The following FAF1 variants were observed in gnomAD, a reference collection of about 807,000 sequenced individuals.
The protein encoded by FAF1 is Fas associated factor 1.
In FAF1, 25 loss-of-function variants were observed where a neutral mutation model predicts 92.5. That is an observed-to-expected ratio of 0.27 (90% CI 0.20 to 0.38). FAF1 has a LOEUF of 0.38. Among genes scored for constraint, FAF1 ranks in the 10% least tolerant of loss-of-function variants. FAF1 has a pLI of 1.00. For synonymous variants in FAF1, 234 were observed against 273.2 expected (o/e 0.86, Z 1.42); for missense variants, 636 against 793.3 (o/e 0.80, Z 2.38).
At chr1:50,729,058 A>ATATATTTTTTTT (rs1375923156) in intron 6 of FAF1, among the ~76,000 whole-genome samples, 3 of 70,132 alleles carry the variant, frequency 4.3e-5, no homozygotes, top group African/African-American at 1.8e-4. Context: ...ATATATATAT[A>ATATATTTTTTTT]TTTTTTTTTT....
At chr1:50,535,236 C>A in intron 15 of FAF1, 133 bp downstream of exon 15, 2 of 601,364 alleles carry the variant, frequency 3.3e-6, no homozygotes, top group Admixed American at 2.8e-5. Context: ...GCATAAAAAC[C>A]CTTGGTAAAT....
At chr1:50,864,455 G>A (rs987720801) in intron 1 of FAF1, among the ~76,000 whole-genome samples, 2 of 152,052 alleles carry the variant, frequency 1.3e-5, no homozygotes, top group Non-Finnish European at 2.9e-5. Context: ...CAAGGCTACA[G>A]TAACCAAAAC....
chr1:50,632,146 G>A (rs956748999), intron 8 of FAF1, among the ~76,000 whole-genome samples: 1 of 152,164 alleles, frequency 6.6e-6, no homozygotes, highest in East Asian at 1.9e-4. Flanking sequence ...TAAGAAGTAA[G>A]GGGTACGATG....
chr1:50,922,458 CAAAAAAAAAAAAA>C (rs33971185), intron 1 of FAF1, among the ~76,000 whole-genome samples: 2 of 37,270 alleles, frequency 5.4e-5, no homozygotes, highest in African/African-American at 1.2e-4. Context: ...GACTCTGCCT[CAAAAAAAAAAAAA>C]AAAAAAAAAA....
chr1:50,462,338 G>A (rs1218843291), intron 18 of FAF1: 1 of 152,034 alleles, frequency 6.6e-6, no homozygotes, highest in Admixed American at 6.6e-5. Context: ...ATTTTACCAA[G>A]AAATTAAGTA....
intron 8 of FAF1, among the ~76,000 whole-genome samples, chr1:50,617,429 T>C (rs577078342): frequency 2.0e-5 from 3 of 152,358 alleles, no homozygotes; most frequent in African/African-American, 7.2e-5. Flanking sequence ...CTTTTAATTC[T>C]GTTTATGTGG....
chr1:50,941,405 T>C (rs1169777319), intron 1 of FAF1, among the ~76,000 whole-genome samples: 1 of 152,096 alleles, frequency 6.6e-6, no homozygotes. Context: ...TTGGTAGAGA[T>C]GGGGTTTTAC....
At chr1:50,783,423 T>A (rs1038512663) in intron 4 of FAF1, among the ~76,000 whole-genome samples, 1 of 152,166 alleles carries the variant, frequency 6.6e-6, no homozygotes, top group Non-Finnish European at 1.5e-5. Flanking sequence ...TACAGTCCAA[T>A]ATCCCTGATA....
intron 6 of FAF1, among the ~76,000 whole-genome samples, chr1:50,721,170 AT>A (rs923448682): frequency 2.2e-3 from 318 of 147,740 alleles, no homozygotes; most frequent in African/African-American, 5.5e-3. Context: ...ACTTTGGGAA[AT>A]TTTTTTTTTT....
intron 8 of FAF1, among the ~76,000 whole-genome samples, chr1:50,596,904 T>C (rs1651848177): frequency 6.6e-6 from 1 of 152,198 alleles, no homozygotes; most frequent in Non-Finnish European, 1.5e-5. Context: ...TTGCAAGTAT[T>C]AAAAGTCCTT....
intron 8 of FAF1, among the ~76,000 whole-genome samples, chr1:50,650,904 C>G (rs1654834167): frequency 6.6e-6 from 1 of 152,116 alleles, no homozygotes; most frequent in Admixed American, 6.5e-5. Flanking sequence ...CTTTAGATAC[C>G]TATTTCCCTG....
At chr1:50,757,894 G>A (rs918746101) in intron 4 of FAF1, among the ~76,000 whole-genome samples, 13 of 151,300 alleles carry the variant, frequency 8.6e-5, no homozygotes, top group East Asian at 7.8e-4. Flanking sequence ...GTGTATTCAC[G>A]GTTTCAGTGA....
At chr1:50,931,884 AAATAAATAATAATAAT>A (rs1403061099) in intron 1 of FAF1, among the ~76,000 whole-genome samples, 2,898 of 65,340 alleles carry the variant, frequency 0.044, 100 homozygotes, top group African/African-American at 0.14. Context: ...AAAAATAAAT[AAATAAATAATAATAAT>A]AATAATAATA....
intron 4 of FAF1, among the ~76,000 whole-genome samples, chr1:50,783,865 A>C (rs905395693): frequency 5.3e-5 from 8 of 152,092 alleles, no homozygotes; most frequent in Admixed American, 2.6e-4. Flanking sequence ...ACAGAGTGAG[A>C]CTCCATCTCA....
intron 3 of FAF1, among the ~76,000 whole-genome samples, chr1:50,788,960 T>C (rs1163717568): frequency 6.6e-6 from 1 of 152,166 alleles, no homozygotes; most frequent in Non-Finnish European, 1.5e-5. Flanking sequence ...GCCTCCCAAG[T>C]AGCTGGGACT....
intron 1 of FAF1, among the ~76,000 whole-genome samples, chr1:50,955,220 TATTCTA>T (rs929345681): frequency 3.3e-5 from 5 of 152,226 alleles, no homozygotes; most frequent in Admixed American, 6.5e-5. Context: ...AAAGAACAGT[TATTCTA>T]TAGTTACAAA....
chr1:50,717,174 G>A (rs1031163510), intron 6 of FAF1, among the ~76,000 whole-genome samples: 1 of 152,092 alleles, frequency 6.6e-6, no homozygotes, highest in Admixed American at 6.5e-5. Context: ...ACAATACCTG[G>A]GCTTCAGGGC....
intron 12 of FAF1, among the ~76,000 whole-genome samples, chr1:50,577,288 G>C (rs1278525405): frequency 6.6e-6 from 1 of 152,216 alleles, no homozygotes; most frequent in Non-Finnish European, 1.5e-5. Context: ...ACTCTGGGAG[G>C]CTGAGGCGGG....
chr1:50,711,997 C>G (rs1657953545), intron 6 of FAF1, among the ~76,000 whole-genome samples: 2 of 152,180 alleles, frequency 1.3e-5, no homozygotes, highest in Non-Finnish European at 2.9e-5. Context: ...TTCCATTTTA[C>G]AGATGAGGAA....
Sources: allele counts gnomAD v4.1 joint callset (sites outside exome capture counted in the v4.1 genomes callset), GRCh38; gene constraint gnomAD v4.1.1; transcripts MANE v1.5; gene names NCBI Gene and HGNC (gene_info 2026-07-23, HGNC 2026-07-21).